The following EML1 variants were observed in gnomAD, a reference collection of about 807,000 sequenced individuals.
The protein encoded by EML1 is EMAP like 1.
EML1 carries 27 observed loss-of-function variants against 110.4 expected under a neutral mutation model. The ratio of observed to expected loss-of-function variants is 0.24; its 90% CI spans 0.18 to 0.34. The LOEUF (loss-of-function observed/expected upper bound fraction) is 0.34. EML1 is among the 10% of genes least tolerant of loss of function. The pLI is 1.00. For synonymous variants in EML1, 344 were observed against 385.8 expected, an observed-to-expected ratio of 0.89 and a Z score of 1.27; for missense variants, 741 against 1,030.9, an observed-to-expected ratio of 0.72 and a Z score of 3.85.
At chr14:99,866,641 A>G (rs10137834) in intron 3 of EML1, among the ~76,000 whole-genome samples, 54,209 of 150,308 alleles carry the variant, frequency 0.36, 10,812 homozygotes, top group African/African-American at 0.52. Context: ...TTGTTGTGCA[A>G]CAGATCTCTA....
In EML1 at chr14:99,897,253, A is replaced by C; in HGVS notation, c.786A>C (p.Gln262His). The stretch of plus-strand genomic sequence containing the variant: ...TGGTGTTATACAACGTGGAGGAGCA[A>C]CTGCAGAGGCATTACGCTGGCCACA... ...SVVVLYNVEE[Q>H]LQRHYAGHND... The change falls in exon 7 of 22, where the codon CAA becomes CAC. Residue 262 changes from glutamine (Q) to histidine (H), a missense_variant. By Grantham distance (24) the Gln-to-His change is conservative. Around this residue, in one of 4 missense-constraint regions of EML1, gnomAD observed 388 missense variants for 605.6 expected, o/e 0.64. Transcript: ENST00000262233. 6.2e-7 allele frequency: 1 copy of C among 1,612,922 alleles called. No homozygotes were observed. The highest frequency in any genetic ancestry group is 8.5e-7 in the Non-Finnish European group (1 of 1,179,512).
Position 99,940,926 on chromosome 14 carries a change from G to A in EML1, c.*814G>A, listed in dbSNP as rs2060578476. The stretch of plus-strand genomic sequence containing the variant: ...ATGAGATGATATTGTACTTGTATAG[G>A]ATTCTAGCAATTCATAATAAATATG... On this transcript the variant is annotated 3_prime_UTR_variant, in exon 22 of 22. Transcript: ENST00000262233. 6.6e-6 allele frequency: 1 copy of A among 152,170 alleles called. No individual in the cohort carries two copies. Among genetic ancestry groups the A allele is most frequent in the African/African-American group, 2.4e-5 (1 of 41,426 alleles). 9.4% of individuals were successfully genotyped at this position (152,170 alleles called of 1,614,324 possible).
Position 99,909,346 on chromosome 14 carries a change from G to T in EML1, c.1106G>T (p.Cys369Phe), listed in dbSNP as rs372044881. ...TCCGAGTCCCTGTTTTTCCTATAGTGCTCTAATGAAGCTGTGTTTGCTGCG... is the reference window on the plus strand; with the variant it reads ...TCCGAGTCCCTGTTTTTCCTATAGTTCTCTAATGAAGCTGTGTTTGCTGCG... ...QKEEKLADVK[C>F]SNEAVFAADF... The change falls in exon 11 of 22, where the codon TGC (cysteine) becomes TTC (phenylalanine). Residue 369 changes from cysteine (C) to phenylalanine (F), a missense_variant and splice_region_variant. By Grantham distance (205) the Cys-to-Phe change is radical. Around this residue, in one of 4 missense-constraint regions of EML1, gnomAD observed 388 missense variants for 605.6 expected, o/e 0.64. Transcript: ENST00000262233. 162 of 1,613,962 alleles carry T rather than the reference G, an allele frequency of 1.0e-4. 1 individual carries two copies. Among genetic ancestry groups the T allele is most frequent in the Non-Finnish European group, 1.4e-4 (161 of 1,180,026 alleles).
At chr14:99,835,258 AAAG>A (rs1396037676) in intron 1 of EML1, among the ~76,000 whole-genome samples, 5 of 152,174 alleles carry the variant, frequency 3.3e-5, no homozygotes, top group African/African-American at 1.2e-4. Flanking sequence ...TTATTGGCAT[AAAG>A]TTTTTAAAAA....
intron 15 of EML1, 93 bp downstream of exon 15, chr14:99,914,790 G>A: frequency 6.8e-7 from 1 of 1,467,630 alleles, no homozygotes; most frequent in Admixed American, 2.7e-5. Flanking sequence ...GTGATACAAA[G>A]TTGTCCCAAA....
intron 1 of EML1, among the ~76,000 whole-genome samples, chr14:99,745,889 C>T (rs1348960899): frequency 6.6e-6 from 1 of 152,196 alleles, no homozygotes; most frequent in Non-Finnish European, 1.5e-5. Context: ...TACTGCCAGG[C>T]ACTGTGGTTT....
chr14:99,805,565 C>A (rs1256879840), intron 1 of EML1, among the ~76,000 whole-genome samples: 1 of 152,130 alleles, frequency 6.6e-6, no homozygotes, highest in Non-Finnish European at 1.5e-5. Context: ...GCCTCGACCT[C>A]CCCAGCCCAA....
At chr14:99,851,161 C>A in intron 2 of EML1, 126 bp downstream of exon 2, 2 of 1,049,192 alleles carry the variant, frequency 1.9e-6, no homozygotes, top group Non-Finnish European at 1.4e-6. Flanking sequence ...ATAAAACAGT[C>A]TTAGCACTGT....
At chr14:99,853,633 A>T (rs1262887826) in intron 2 of EML1, among the ~76,000 whole-genome samples, 1 of 152,182 alleles carries the variant, frequency 6.6e-6, no homozygotes, top group Non-Finnish European at 1.5e-5. Flanking sequence ...TTGGCCTGCC[A>T]TGCTCATATA....
chr14:99,758,176 A>G (rs969184409), intron 1 of EML1, among the ~76,000 whole-genome samples: 1 of 152,248 alleles, frequency 6.6e-6, no homozygotes, highest in African/African-American at 2.4e-5. Flanking sequence ...ATGCTGTCTC[A>G]GAGGTGCTTA....
chr14:99,808,512 A>C (rs1304809384), intron 1 of EML1, among the ~76,000 whole-genome samples: 1 of 152,214 alleles, frequency 6.6e-6, no homozygotes, highest in Admixed American at 6.5e-5. Flanking sequence ...AAGAACTTCC[A>C]GCATTCATGG....
At chr14:99,835,891 T>C (rs868665138) in intron 1 of EML1, among the ~76,000 whole-genome samples, 2 of 152,262 alleles carry the variant, frequency 1.3e-5, no homozygotes, top group Non-Finnish European at 2.9e-5. Flanking sequence ...TCCATTGATC[T>C]ATGTGTCTGT....
chr14:99,747,138 A>G (rs1402318107), intron 1 of EML1, among the ~76,000 whole-genome samples: 1 of 143,962 alleles, frequency 6.9e-6, no homozygotes, highest in Non-Finnish European at 1.5e-5. Context: ...CAGTGAGCCG[A>G]GATAGCGCCA....
chr14:99,907,684 T>A lies in EML1; in HGVS notation c.1055T>A (p.Val352Glu). The part of the protein sequence containing the change: ...LCAVDDSNDH[V>E]LSVWDWQKEE... Reference sequence around the variant, plus strand: ...GCTGTGGATGACTCCAACGACCATGTGCTCTCTGTATGGGACTGGCAGAAA... The same window carrying A: ...GCTGTGGATGACTCCAACGACCATGAGCTCTCTGTATGGGACTGGCAGAAA... Residue 352 changes from valine (V) to glutamate (E), a missense_variant, in exon 10 of 22, where the codon GTG (valine) becomes GAG (glutamate). Coordinates refer to ENST00000262233, the MANE Select transcript of EML1 (RefSeq NM_004434.3). 1 of 1,614,210 alleles carries A rather than the reference T, an allele frequency of 6.2e-7. No homozygotes were observed. The highest frequency in any genetic ancestry group is 8.5e-7 in the Non-Finnish European group (1 of 1,180,010).
intron 1 of EML1, among the ~76,000 whole-genome samples, chr14:99,818,803 GC>G (rs2058213216): frequency 6.6e-6 from 1 of 152,180 alleles, no homozygotes; most frequent in Non-Finnish European, 1.5e-5. Flanking sequence ...GTCAAAGCAA[GC>G]CACGGGTTTT....
chr14:99,829,598 A>G (rs1236802903), intron 1 of EML1, among the ~76,000 whole-genome samples: 1 of 151,806 alleles, frequency 6.6e-6, no homozygotes, highest in Non-Finnish European at 1.5e-5. Flanking sequence ...CCAAACTGAA[A>G]CTCAGTACTC....
intron 1 of EML1, among the ~76,000 whole-genome samples, chr14:99,750,358 C>A (rs952188970): frequency 3.3e-5 from 5 of 152,188 alleles, no homozygotes; most frequent in African/African-American, 7.2e-5. Flanking sequence ...CACATGGGGG[C>A]AGGTGGGGGT....
Position 99,939,422 on chromosome 14 carries a change from ACTGC to A in EML1, c.2322+96_2322+99del. On this transcript the variant is annotated intron_variant, in intron 21 of 21. Transcript: ENST00000262233. This position sits in a 1 kb window ranked among gnomAD's most constrained non-coding sequence, Gnocchi z 4.2. The stretch of plus-strand genomic sequence containing the variant: ...ACTAAGTGGAAATGGGCTGTGAGCG[ACTGC>A]TGCCAGCCACAAAGGCAGATGTGAC... The A allele has an allele frequency of 6.5e-7, 1 of 1,538,302 alleles. No individual in the cohort carries two copies.
In EML1 at chr14:99,937,786, TA is replaced by T. The variant is rs889923788; in HGVS notation, c.2096-30del. On this transcript the variant is annotated intron_variant, in intron 19 of 21. Transcript: ENST00000262233. ...TTAGGGGAGGGGTGGGGCCTTGGCT[TA>T]GATGTTGCCAGACTGTTTGCTTTTT... 4 of 1,605,358 alleles carry T rather than the reference TA, an allele frequency of 2.5e-6. No homozygotes were observed. The African/African-American group carries it at 5.4e-5, about 21-fold the overall frequency.
Sources: allele counts gnomAD v4.1 joint callset (sites outside exome capture counted in the v4.1 genomes callset), GRCh38; gene constraint gnomAD v4.1.1; regional missense constraint gnomAD v4.1.1; non-coding constraint Gnocchi (gnomAD v3.1); transcripts MANE v1.5; gene names NCBI Gene and HGNC (gene_info 2026-07-23, HGNC 2026-07-21).